COL21A1: variants seen among roughly 807,000 people sequenced by gnomAD.
The protein encoded by COL21A1 is collagen alpha-1(XXI) chain.
A neutral mutation model predicts 137.9 loss-of-function variants in COL21A1; 149 were observed. The observed-to-expected ratio is 1.08, with a 90% CI of 0.95 to 1.24. The LOEUF (loss-of-function observed/expected upper bound fraction) is 1.24. Ranked by LOEUF, COL21A1 falls within the 50% of genes most tolerant of loss-of-function variation. COL21A1 has a pLI of 0.00. For missense variants in COL21A1, 1,167 were observed against 1,158.4 expected, an observed-to-expected ratio of 1.01 and a Z score of -0.11; for synonymous variants, 456 against 391.5, an observed-to-expected ratio of 1.16 and a Z score of -1.95.
chr6:56,060,143 C>A lies in COL21A1; in HGVS notation c.2483G>T (p.Gly828Val). 3 of 1,611,426 alleles carry A rather than the reference C, an allele frequency of 1.9e-6. No homozygotes were observed. The highest frequency in any genetic ancestry group is 2.5e-6 in the Non-Finnish European group (3 of 1,179,188). Reference protein sequence around the residue: ...DHCLSQHGSPGIPGPPGPIGP... With the variant: ...DHCLSQHGSPVIPGPPGPIGP... The stretch of plus-strand genomic sequence containing the variant: ...TATCGGACCAGGTGGCCCAGGAATA[C>A]CCGGGGAGCCATGTTGGGACAGGCA... Residue 828 changes from glycine to valine, a missense_variant, in exon 28 of 30, where the codon GGT (glycine) becomes GTT (valine). Transcript: ENST00000244728.
chr6:56,210,152 C>T (rs527959241), intron 1 of COL21A1, among the ~76,000 whole-genome samples: 100 of 152,076 alleles, frequency 6.6e-4, no homozygotes, highest in African/African-American at 2.2e-3. Flanking sequence ...GAATACCTAA[C>T]GCAGATGACG....
intron 10 of COL21A1, among the ~76,000 whole-genome samples, chr6:56,153,788 G>T (rs1775513296): frequency 6.6e-6 from 1 of 152,072 alleles, no homozygotes; most frequent in Non-Finnish European, 1.5e-5. Flanking sequence ...CCATCTCACC[G>T]ATAAGTCCTT....
At chr6:56,187,458 A>G (rs1362840643) in intron 1 of COL21A1, among the ~76,000 whole-genome samples, 2 of 152,218 alleles carry the variant, frequency 1.3e-5, no homozygotes, top group Non-Finnish European at 2.9e-5. Context: ...TGCAGAAATC[A>G]AGAAAGCATG....
intron 16 of COL21A1, among the ~76,000 whole-genome samples, chr6:56,104,373 A>C (rs1317394508): frequency 6.6e-6 from 1 of 152,226 alleles, no homozygotes; most frequent in East Asian, 1.9e-4. Context: ...GATAATGGCC[A>C]GTCATCTTTA....
chr6:56,246,469 GC>G (rs953911587), intron 1 of COL21A1, among the ~76,000 whole-genome samples: 2 of 42,638 alleles, frequency 4.7e-5, no homozygotes, highest in Non-Finnish European at 8.9e-5. Flanking sequence ...TCCCCAGTAT[GC>G]TTTTTTTTTT....
At chr6:56,185,615 T>C (rs1358158459) in intron 1 of COL21A1, among the ~76,000 whole-genome samples, 3 of 151,490 alleles carry the variant, frequency 2.0e-5, no homozygotes, top group Non-Finnish European at 2.9e-5. Context: ...TTTTGTATTT[T>C]TAGTAGAGAC....
At chr6:56,090,846 C>A (rs1768741279) in intron 17 of COL21A1, among the ~76,000 whole-genome samples, 1 of 151,600 alleles carries the variant, frequency 6.6e-6, no homozygotes, top group African/African-American at 2.4e-5. Flanking sequence ...TTTGTAATAG[C>A]AGATATATGA....
chr6:56,343,656 G>T (rs1394522321), intron 1 of COL21A1, among the ~76,000 whole-genome samples: 1 of 152,156 alleles, frequency 6.6e-6, no homozygotes. Flanking sequence ...ATAATTGATT[G>T]TAGGCCAGGC....
At chr6:56,107,920 A>G (rs1771091381) in intron 16 of COL21A1, among the ~76,000 whole-genome samples, 1 of 152,054 alleles carries the variant, frequency 6.6e-6, no homozygotes, top group Admixed American at 6.5e-5. Flanking sequence ...GATAAGGTAG[A>G]AATAAACAAG....
Position 56,164,412 on chromosome 6 carries a change from G to GT in COL21A1, c.1371+10dup. ...TGTTTTAACAAAAACAGCAAGTTAG[G>GT]TGTTACCCACTTTGGGGCCTTGAAG... On this transcript the variant is annotated intron_variant, in intron 9 of 29. Transcript: ENST00000244728. The GT allele has an allele frequency of 6.4e-7, 1 of 1,554,042 alleles. No individual in the cohort carries two copies. The highest frequency in any genetic ancestry group is 8.8e-7 in the Non-Finnish European group (1 of 1,142,082).
intron 1 of COL21A1, among the ~76,000 whole-genome samples, chr6:56,242,447 C>A (rs1212586205): frequency 1.3e-5 from 2 of 152,084 alleles, no homozygotes; most frequent in African/African-American, 4.8e-5. Context: ...TTCTTCTCGA[C>A]ACCAATGAGT....
chr6:56,272,840 T>G (rs957731938), intron 1 of COL21A1, among the ~76,000 whole-genome samples: 1 of 152,180 alleles, frequency 6.6e-6, no homozygotes, highest in East Asian at 1.9e-4. Flanking sequence ...CAATTTTAAG[T>G]TTCCTGAGGC....
At chr6:56,097,101 T>A (rs943544680) in intron 17 of COL21A1, among the ~76,000 whole-genome samples, 1 of 152,158 alleles carries the variant, frequency 6.6e-6, no homozygotes, top group African/African-American at 2.4e-5. Context: ...TCAGCAAATT[T>A]GAGACACTTA....
At chr6:56,288,271 G>T (rs561490815) in intron 1 of COL21A1, among the ~76,000 whole-genome samples, 136 of 150,762 alleles carry the variant, frequency 9.0e-4, no homozygotes, top group African/African-American at 3.2e-3. Flanking sequence ...AAAAGGAAAT[G>T]CTGGCTATTT....
At position 56,237,512 on chromosome 6, in the gene COL21A1, T is replaced by C. The variant is rs16887715; in HGVS notation, c.-39+9875A>G. On this transcript the variant is annotated intron_variant, in intron 1 of 29. Transcript: ENST00000244728. ...TGTAAAAATATAATTGCTTCTCTAA[T>C]CTCGCTTAGGCTCTTTAGGCCAAAG... is the stretch of plus-strand genomic sequence containing the variant. Among the ~76,000 whole-genome samples, 7 of 152,296 alleles carry C rather than the reference T, an allele frequency of 4.6e-5. No individual in the cohort carries two copies. In the East Asian group the frequency reaches 1.4e-3, roughly 29 times the overall value.
intron 1 of COL21A1, among the ~76,000 whole-genome samples, chr6:56,205,415 C>T (rs773639308): frequency 6.6e-5 from 10 of 151,798 alleles, no homozygotes; most frequent in South Asian, 2.1e-4. Context: ...TGAAATAAAG[C>T]GAGAAGACAA....
At chr6:56,272,125 T>C (rs1358763881) in intron 1 of COL21A1, among the ~76,000 whole-genome samples, 3 of 152,106 alleles carry the variant, frequency 2.0e-5, no homozygotes, top group Admixed American at 6.5e-5. Flanking sequence ...CAGAGAAAGG[T>C]AGATCCACTG....
chr6:56,177,156 C>A (rs112902640), intron 3 of COL21A1, among the ~76,000 whole-genome samples: 2,601 of 152,082 alleles, frequency 0.017, 74 homozygotes, highest in African/African-American at 0.06. Context: ...CAGCACAAGT[C>A]TTTTACACAG....
chr6:56,269,425 G>A (rs9382600), intron 1 of COL21A1, among the ~76,000 whole-genome samples: 22,826 of 151,832 alleles, frequency 0.15, 3,219 homozygotes, highest in East Asian at 0.62. Flanking sequence ...GGAGGCCGAG[G>A]CGGGCGGATC....
Sources: gnomAD v4.1 joint callset for allele counts (sites outside exome capture counted in the v4.1 genomes callset) on GRCh38, gnomAD v4.1.1 for gene constraint, MANE v1.5 for transcripts, NCBI Gene and HGNC (gene_info 2026-07-23, HGNC 2026-07-21) for gene names.